PRKAB1: variants seen among roughly 807,000 people sequenced by gnomAD.
PRKAB1 encodes protein kinase AMP-activated non-catalytic subunit beta 1.
Under a neutral mutation model 32.0 loss-of-function variants are expected in PRKAB1, and 18 were observed. That is an observed-to-expected ratio of 0.56 (90% CI 0.39 to 0.83). The LOEUF is 0.83. Ranked by LOEUF, PRKAB1 falls within the 40% of genes least tolerant of loss-of-function variation. PRKAB1 has a pLI of 0.00. For missense variants in PRKAB1, 263 were observed against 352.6 expected (o/e 0.75, Z 2.03); for synonymous variants, 141 against 141.4 (o/e 1.00, Z 0.02).
chr12:119,679,876 G>T lies in PRKAB1; in HGVS notation c.667-57G>T. On this transcript the variant is annotated intron_variant, in intron 5 of 6. Coordinates refer to ENST00000229328, the MANE Select transcript of PRKAB1 (RefSeq NM_006253.5). This position sits in a 1 kb window ranked among gnomAD's most constrained non-coding sequence, Gnocchi z 4.1. ...TGATATCTGGCACTGGGAAGTAAAG[G>T]GGAGAATCTTGGTTTCCAAATCCCA... The T allele has an allele frequency of 6.4e-7, 1 of 1,554,070 alleles. No homozygotes were observed. Among genetic ancestry groups the T allele is most frequent in the South Asian group, 1.1e-5 (1 of 89,710 alleles).
intron 4 of PRKAB1, among the ~76,000 whole-genome samples, chr12:119,675,836 C>T (rs117244139): frequency 0.023 from 3,464 of 152,312 alleles, 57 homozygotes; most frequent in Non-Finnish European, 0.034. Flanking sequence ...CGACCAGAAC[C>T]ATCCCACGCG....
chr12:119,675,357 C>T (rs1044433762), intron 4 of PRKAB1, among the ~76,000 whole-genome samples: 1 of 152,198 alleles, frequency 6.6e-6, no homozygotes, highest in Non-Finnish European at 1.5e-5. Context: ...ACAATGGGCT[C>T]ACTGTGGTTG....
chr12:119,675,844 G>A lies in PRKAB1; in HGVS notation c.533-693G>A, dbSNP rs542860891. On this transcript the variant is annotated intron_variant, in intron 4 of 6. Transcript: ENST00000229328. ...GATCTGGCGACCAGAACCATCCCAC[G>A]CGTTCTTTGGATGATGGCTTGGTAC... Among the ~76,000 whole-genome samples, 3 of 152,266 alleles carry A rather than the reference G, an allele frequency of 2.0e-5. 1 individual carries two copies. Among genetic ancestry groups the A allele is most frequent in the Admixed American group, 1.3e-4 (2 of 15,300 alleles).
At chr12:119,678,615 T>G (rs1233824297) in intron 5 of PRKAB1, 1 of 152,268 alleles carries the variant, frequency 6.6e-6, no homozygotes, top group Non-Finnish European at 1.5e-5. Context: ...TGACATCACA[T>G]GGGATTTGTC....
In PRKAB1 at chr12:119,679,604, G is replaced by C. The variant is rs965793705; in HGVS notation, c.667-329G>C. 1 of 356,494 alleles carries C rather than the reference G, an allele frequency of 2.8e-6. No individual in the cohort carries two copies. Among genetic ancestry groups the C allele is most frequent in the African/African-American group, 2.1e-5 (1 of 47,524 alleles). 22.1% of individuals were successfully genotyped at this position (356,494 alleles called of 1,614,324 possible). A position where few individuals can be genotyped will look rare whatever the true frequency, so the allele number is the denominator to read the frequency against. ...CAGATGGTCTCTTCCTGTGTTCTCTGAAAGTGCTGTTAATAGCTGCTTTCT... is the reference window on the plus strand; with the variant it reads ...CAGATGGTCTCTTCCTGTGTTCTCTCAAAGTGCTGTTAATAGCTGCTTTCT... On this transcript the variant is annotated intron_variant, in intron 5 of 6. Coordinates refer to ENST00000229328, the MANE Select transcript of PRKAB1 (RefSeq NM_006253.5). The surrounding 1 kb of genome is among the most constrained non-coding windows in gnomAD (Gnocchi z 4.1).
intron 4 of PRKAB1, 45 bp from the exon 5 acceptor site, chr12:119,676,492 A>G: frequency 6.5e-7 from 1 of 1,539,962 alleles, no homozygotes; most frequent in Non-Finnish European, 8.9e-7. Context: ...CTGCTCCTAG[A>G]ATGCCTGATT....
intron 2 of PRKAB1, among the ~76,000 whole-genome samples, chr12:119,672,829 G>A (rs908920378): frequency 6.6e-6 from 1 of 152,196 alleles, no homozygotes; most frequent in Admixed American, 6.5e-5. Flanking sequence ...GTCACCTAAC[G>A]TTAGTTAACC....
At chr12:119,668,995 T>G (rs963228375) in intron 1 of PRKAB1, among the ~76,000 whole-genome samples, 1 of 151,552 alleles carries the variant, frequency 6.6e-6, no homozygotes, top group African/African-American at 2.4e-5. Context: ...CGGGCGCCTG[T>G]GGTCCCAGCT....
chr12:119,672,104 A>G (rs955367901), intron 1 of PRKAB1, 197 bp from the exon 2 acceptor site: 1 of 473,138 alleles, frequency 2.1e-6, no homozygotes, highest in Non-Finnish European at 3.7e-6. Flanking sequence ...GAGCACTTAC[A>G]TGGACTGTCT....
chr12:119,669,058 A>C (rs1285476388), intron 1 of PRKAB1, among the ~76,000 whole-genome samples: 3 of 151,264 alleles, frequency 2.0e-5, no homozygotes, highest in Admixed American at 2.0e-4. Context: ...CGCAGCTTGC[A>C]GTGAGCCGAG....
In PRKAB1 at chr12:119,680,487, C is replaced by A; in HGVS notation, c.*162C>A. The A allele has an allele frequency of 1.4e-6, 1 of 708,372 alleles. No homozygotes were observed. The highest frequency in any genetic ancestry group is 2.4e-6 in the Non-Finnish European group (1 of 422,886). 43.9% of individuals were successfully genotyped at this position (708,372 alleles called of 1,614,324 possible). A position where few individuals can be genotyped will look rare whatever the true frequency, so the allele number is the denominator to read the frequency against. Reference sequence around the variant, plus strand: ...TGCTTGAAGGTTTGTCCAGGCAGAGCAGCTCCTGCAGCGCCTCGGTCTGTG... The same window carrying A: ...TGCTTGAAGGTTTGTCCAGGCAGAGAAGCTCCTGCAGCGCCTCGGTCTGTG... On this transcript the variant is annotated 3_prime_UTR_variant, in exon 7 of 7. Coordinates refer to ENST00000229328, the MANE Select transcript of PRKAB1 (RefSeq NM_006253.5).
intron 1 of PRKAB1, chr12:119,669,426 C>G (rs2136849302): frequency 6.6e-6 from 1 of 150,878 alleles, no homozygotes; most frequent in Middle Eastern, 3.5e-3. Context: ...CGCCACCACG[C>G]CCGGCTAATT....
intron 1 of PRKAB1, among the ~76,000 whole-genome samples, chr12:119,670,660 T>C (rs890478807): frequency 7.9e-5 from 12 of 152,232 alleles, no homozygotes; most frequent in African/African-American, 2.9e-4. Context: ...CCAGGAAATG[T>C]TGAGCACACA....
At chr12:119,668,105 C>T, upstream of PRKAB1, 1 of 1,097,808 alleles carries the variant, frequency 9.1e-7, no homozygotes, top group Non-Finnish European at 1.2e-6. Flanking sequence ...CGGCTCCCGG[C>T]CCGAGGGGCG....
intron 2 of PRKAB1, 189 bp from the exon 3 acceptor site, chr12:119,673,775 C>T (rs1955404008): frequency 2.0e-6 from 1 of 488,324 alleles, no homozygotes; most frequent in Non-Finnish European, 3.6e-6. Context: ...TGTCGCACTG[C>T]TGCTTCCTTA....
intron 1 of PRKAB1, chr12:119,671,362 G>T: frequency 3.9e-6 from 1 of 254,624 alleles, no homozygotes; most frequent in Non-Finnish European, 8.2e-6. Flanking sequence ...AACCTAGTCT[G>T]TTCTCATGCT....
At chr12:119,676,154 C>G (rs958476966) in intron 4 of PRKAB1, among the ~76,000 whole-genome samples, 1 of 152,200 alleles carries the variant, frequency 6.6e-6, no homozygotes, top group Admixed American at 6.5e-5. Context: ...GACTTAGCTA[C>G]TCAATCCTCA....
chr12:119,680,377 A>G lies in PRKAB1; in HGVS notation c.*52A>G, dbSNP rs184686614. On this transcript the variant is annotated 3_prime_UTR_variant, in exon 7 of 7. Coordinates refer to ENST00000229328, the MANE Select transcript of PRKAB1 (RefSeq NM_006253.5). Reference sequence around the variant, plus strand: ...GAGACAGCACACCACCAGGCTCCACACGTGCATGCTTTCCCCAAGAGGGAA... The same window carrying G: ...GAGACAGCACACCACCAGGCTCCACGCGTGCATGCTTTCCCCAAGAGGGAA... 371 of 1,517,052 alleles carry G rather than the reference A, an allele frequency of 2.4e-4. No individual in the cohort carries two copies. Among genetic ancestry groups the G allele is most frequent in the Non-Finnish European group, 3.3e-4 (364 of 1,093,886 alleles). The allele number at this position is 1,517,052 out of a possible 1,614,324, so 94.0% of individuals were successfully genotyped here.
rs1270147251 is a variant in PRKAB1, at chr12:119,672,296, T to C, written c.160-5T>C. 1 of 1,602,862 alleles carries C rather than the reference T, an allele frequency of 6.2e-7. No homozygotes were observed. Among genetic ancestry groups the C allele is most frequent in the Non-Finnish European group, 8.5e-7 (1 of 1,174,852 alleles). On this transcript the variant is annotated splice_polypyrimidine_tract_variant and splice_region_variant and intron_variant, in intron 1 of 6. Transcript: ENST00000229328. ...GGCTTTCTGAGTAAACTGCTCTGCTTCTAGGCACCAGAGAAGGAGGAATTC... is the reference window on the plus strand; with the variant it reads ...GGCTTTCTGAGTAAACTGCTCTGCTCCTAGGCACCAGAGAAGGAGGAATTC...
Sources: gnomAD v4.1 joint callset for allele counts (sites outside exome capture counted in the v4.1 genomes callset) on GRCh38, gnomAD v4.1.1 for gene constraint, Gnocchi (gnomAD v3.1) non-coding constraint, MANE v1.5 for transcripts, NCBI Gene and HGNC (gene_info 2026-07-23, HGNC 2026-07-21) for gene names.